Variants in PRG4 observed in about 807,000 individuals in gnomAD.
PRG4 encodes proteoglycan 4.
A neutral mutation model predicts 91.2 loss-of-function variants in PRG4; 61 were observed. The ratio of observed to expected loss-of-function variants is 0.67; its 90% CI spans 0.54 to 0.83. The LOEUF is 0.83. Among genes scored for constraint, PRG4 ranks in the 40% least tolerant of loss-of-function variants. The pLI, the probability that PRG4 is intolerant of heterozygous loss-of-function variation, is 0.00. For synonymous variants in PRG4, 576 were observed against 614.2 expected, an observed-to-expected ratio of 0.94 and a Z score of 0.92; for missense variants, 1,564 against 1,714.2, an observed-to-expected ratio of 0.91 and a Z score of 1.55.
At position 186,311,017 on chromosome 1, in the gene PRG4, C is replaced by G. The variant is rs372343884; in HGVS notation, c.3500-17C>G. ...TAGCATTCAGCTTGTAGGCTGATGT[C>G]TTTCCTTAAATTTTAGGTCATTATT... On this transcript the variant is annotated splice_polypyrimidine_tract_variant and intron_variant, in intron 8 of 12. Transcript: ENST00000445192. The G allele has an allele frequency of 6.2e-7, 1 of 1,613,776 alleles. No homozygotes were observed. The highest frequency in any genetic ancestry group is 1.3e-5 in the African/African-American group (1 of 74,988).
chr1:186,298,729 C>T (rs568703519), intron 2 of PRG4, among the ~76,000 whole-genome samples: 249 of 152,114 alleles, frequency 1.6e-3, no homozygotes, highest in Middle Eastern at 0.01. Context: ...TCAGGTGATC[C>T]GCCCGCCTCA....
rs148590736 is a variant in PRG4, at chr1:186,309,037, T to C, written c.3318T>C (p.His1106=). 10 of 1,613,286 alleles carry C rather than the reference T, an allele frequency of 6.2e-6. No homozygotes were observed. The highest frequency in any genetic ancestry group is 8.5e-6 in the Non-Finnish European group (10 of 1,179,498). ...DAGGAEGETP[H]MLLRPHVFMP... is the part of the protein sequence containing the mutation. The stretch of plus-strand genomic sequence containing the variant: ...GTGGTGCTGAAGGAGAAACACCTCA[T>C]ATGCTTCTCAGGCCCCATGTGTTCA... Residue 1106 remains histidine (H), a synonymous_variant, in exon 7 of 13, where the codon CAT becomes CAC. Transcript: ENST00000445192.
rs1221772888 is a variant in PRG4 at position 186,296,728 on chromosome 1, A to G, written c.-30-118A>G. The stretch of plus-strand genomic sequence containing the variant: ...AAAGCTGATTTAAAGTCTTGTTTCA[A>G]GAATGGGATGGTTTTATTATTGTTA... On this transcript the variant is annotated intron_variant, in intron 1 of 12. Coordinates refer to ENST00000445192, the MANE Select transcript of PRG4 (RefSeq NM_005807.6). 4.6e-6 allele frequency: 3 copies of G among 651,882 alleles called. No individual in the cohort carries two copies. The East Asian group carries it at 8.2e-5, about 18-fold the overall frequency. The allele number at this position is 651,882 out of a possible 1,614,324, so 40.4% of individuals were successfully genotyped here. A position where few individuals can be genotyped will look rare whatever the true frequency, so the allele number is the denominator to read the frequency against.
In PRG4 at chr1:186,301,578, T is replaced by C. The variant is rs1656220495; in HGVS notation, c.200-14T>C. ...CAATGAATAATCTGTAACTTCTTGT[T>C]TTGCTCTGGGTAGAGCTTTCCTGTA... is the stretch of plus-strand genomic sequence containing the variant. On this transcript the variant is annotated splice_polypyrimidine_tract_variant and intron_variant, in intron 3 of 12. Transcript: ENST00000445192. 6.2e-7 allele frequency: 1 copy of C among 1,613,704 alleles called. No homozygotes were observed. Among genetic ancestry groups the C allele is most frequent in the South Asian group, 1.1e-5 (1 of 91,072 alleles).
chr1:186,313,632 T>TGGGCA (rs1267221036), intron 12 of PRG4, 49 bp from the exon 13 acceptor site: 1 of 1,068,246 alleles, frequency 9.4e-7, no homozygotes, highest in East Asian at 2.4e-5. Context: ...TTTTTTAGTT[T>TGGGCA]GGGCATTGTT....
chr1:186,305,139 C>CTGTA (rs1414453233), intron 6 of PRG4, among the ~76,000 whole-genome samples: 1 of 152,180 alleles, frequency 6.6e-6, no homozygotes, highest in Non-Finnish European at 1.5e-5. Context: ...TAAGAAGATG[C>CTGTA]TGTAGCAGGA....
intron 4 of PRG4, among the ~76,000 whole-genome samples, chr1:186,303,471 AAAG>A (rs1656350277): frequency 6.6e-6 from 1 of 151,230 alleles, no homozygotes; most frequent in South Asian, 2.1e-4. Context: ...AAAAAAAAAA[AAAG>A]AAGTTCCATG....
Position 186,308,635 on chromosome 1 carries a change from A to G in PRG4, c.2916A>G (p.Lys972=), listed in dbSNP as rs1211062078. Residue 972 remains lysine (K), a synonymous_variant, in exon 7 of 13, where the codon AAA becomes AAG. Transcript: ENST00000445192. ...CAACTCAAGATACCACACCATTCAA[A>G]ATTACTACTCTTAAAACAACTACTC... ...STTTQDTTPF[K]ITTLKTTTLA... is the part of the protein sequence containing the mutation. The G allele has an allele frequency of 2.5e-6, 4 of 1,612,624 alleles. No homozygotes were observed. The highest frequency in any genetic ancestry group is 1.7e-5 in the Admixed American group (1 of 59,726).
At chr1:186,303,604 G>C (rs1009413626) in intron 4 of PRG4, among the ~76,000 whole-genome samples, 1 of 152,110 alleles carries the variant, frequency 6.6e-6, no homozygotes, top group Admixed American at 6.6e-5. Context: ...AAAGCACAAT[G>C]TGAAGGTGTG....
intron 4 of PRG4, among the ~76,000 whole-genome samples, chr1:186,302,997 C>T (rs572419671): frequency 1.3e-5 from 2 of 152,168 alleles, no homozygotes; most frequent in Admixed American, 6.5e-5. Context: ...AGACAGTCAG[C>T]GTCCCAACTT....
chr1:186,308,235 C>A lies in PRG4; in HGVS notation c.2516C>A (p.Pro839His), dbSNP rs146935964. 300 of 1,614,032 alleles carry A rather than the reference C, an allele frequency of 1.9e-4. No individual in the cohort carries two copies. Among genetic ancestry groups the A allele is most frequent in the Admixed American group, 3.8e-4 (23 of 60,024 alleles). ...TTPKEPAPTT[P>H]KKPAPTTPET... is the part of the protein sequence containing the mutation. ...CCCAAGGAGCCTGCACCCACTACCC[C>A]CAAGAAGCCTGCTCCAACTACTCCT... The change falls in exon 7 of 13, where the codon CCC becomes CAC. Residue 839 changes from proline (P) to histidine (H), a missense_variant. Pro to His is a moderately conservative substitution (Grantham distance 77). Coordinates refer to ENST00000445192, the MANE Select transcript of PRG4 (RefSeq NM_005807.6).
At chr1:186,303,105 C>G (rs1320760290) in intron 4 of PRG4, among the ~76,000 whole-genome samples, 2 of 152,110 alleles carry the variant, frequency 1.3e-5, no homozygotes, top group African/African-American at 4.8e-5. Flanking sequence ...AGTATAGATA[C>G]TACTTACAGG....
chr1:186,307,424 G>C lies in PRG4; in HGVS notation c.1705G>C (p.Ala569Pro), dbSNP rs146182118. ...TGCACCCACCACTCCCAAGGAGCCT[G>C]CACCCACCACCCCCAAGAAGCCTGC... ...EPAPTTPKEP[A>P]PTTPKKPAPT... is the part of the protein sequence containing the mutation. The change falls in exon 7 of 13, where the codon GCA becomes CCA. Residue 569 changes from alanine to proline, a missense_variant. This residue lies in a region of PRG4 where 1,079 missense variants were observed against 1,162.2 expected (regional missense o/e 0.93). Transcript: ENST00000445192. 8.9e-6 allele frequency: 14 copies of C among 1,567,720 alleles called. No homozygotes were observed. The African/African-American group carries it at 2.1e-4, about 24-fold the overall frequency.
rs750413951 is a variant in PRG4 at position 186,313,964 on chromosome 1, A to T, written c.*186A>T. On this transcript the variant is annotated 3_prime_UTR_variant, in exon 13 of 13. Transcript: ENST00000445192. ...CTTATTCACAGTTGTTATTGTTTAC[A>T]GACCATTTAATTAATATTTCCTCTG... 1 of 1,611,008 alleles carries T rather than the reference A, an allele frequency of 6.2e-7. No individual in the cohort carries two copies. The highest frequency in any genetic ancestry group is 1.7e-5 in the Admixed American group (1 of 60,002).
chr1:186,305,750 C>T (rs150909078), intron 6 of PRG4, among the ~76,000 whole-genome samples: 1 of 151,348 alleles, frequency 6.6e-6, no homozygotes, highest in Non-Finnish European at 1.5e-5. Flanking sequence ...TTTTTGCTGC[C>T]CATCACACCC....
intron 11 of PRG4, 141 bp from the exon 12 acceptor site, chr1:186,312,628 A>C (rs1216742185): frequency 1.1e-6 from 1 of 920,868 alleles, no homozygotes; most frequent in African/African-American, 1.7e-5. Flanking sequence ...TCTTACCAAG[A>C]ACATTATATA....
rs1656638906 is a variant in PRG4, at chr1:186,306,941, ACTC to A, written c.1224_1226del (p.Pro409del). The A allele has an allele frequency of 1.3e-6, 2 of 1,596,786 alleles. No homozygotes were observed. Among genetic ancestry groups the A allele is most frequent in the African/African-American group, 1.4e-5 (1 of 69,442 alleles). On this transcript the variant is annotated inframe_deletion, in exon 7 of 13. Coordinates refer to ENST00000445192, the MANE Select transcript of PRG4 (RefSeq NM_005807.6). Reference sequence around the variant, plus strand: ...CACCACCAAGGAGCCTGCACCCACCACTCCCAAGGAGCCTGCACCCACCACCAC... The same window carrying A: ...CACCACCAAGGAGCCTGCACCCACCACCAAGGAGCCTGCACCCACCACCAC...
chr1:186,307,470 C>G lies in PRG4; in HGVS notation c.1751C>G (p.Pro584Arg). Residue 584 changes from proline to arginine, a missense_variant, in exon 7 of 13, where the codon CCT becomes CGT. Coordinates refer to ENST00000445192, the MANE Select transcript of PRG4 (RefSeq NM_005807.6). ...CCTGCCCCAACTACCCCCAAGGAGC[C>G]TGCACCCACCACTCCCAAGGAACCT... ...KKPAPTTPKE[P>R]APTTPKEPAP... 6.3e-7 allele frequency: 1 copy of G among 1,575,316 alleles called. No homozygotes were observed. The highest frequency in any genetic ancestry group is 8.6e-7 in the Non-Finnish European group (1 of 1,160,160).
chr1:186,303,136 A>T (rs1002513566), intron 4 of PRG4, among the ~76,000 whole-genome samples: 1 of 152,214 alleles, frequency 6.6e-6, no homozygotes, highest in African/African-American at 2.4e-5. Context: ...TCTAAAAATC[A>T]TAACATTTCA....
Sources: allele counts gnomAD v4.1 joint callset (sites outside exome capture counted in the v4.1 genomes callset), GRCh38; gene constraint gnomAD v4.1.1; regional missense constraint gnomAD v4.1.1; transcripts MANE v1.5; gene names NCBI Gene and HGNC (gene_info 2026-07-23, HGNC 2026-07-21).